Variants in STX1A observed in about 807,000 individuals in gnomAD.
STX1A encodes syntaxin 1A, also known as syntaxin-1A.
A neutral mutation model predicts 37.8 loss-of-function variants in STX1A; 4 were observed. The observed-to-expected ratio is 0.11, with a 90% CI of 0.05 to 0.24. The LOEUF is 0.24. Ranked by LOEUF, STX1A falls within the 10% of genes least tolerant of loss-of-function variation. STX1A has a pLI of 1.00. For synonymous variants in STX1A, 135 were observed against 147.4 expected (o/e 0.92, Z 0.61); for missense variants, 251 against 399.9 (o/e 0.63, Z 3.18).
Position 73,705,271 on chromosome 7 carries a change from G to C in STX1A, c.209-47C>G. 1 of 1,520,944 alleles carries C rather than the reference G, an allele frequency of 6.6e-7. No individual in the cohort carries two copies. The highest frequency in any genetic ancestry group is 9.1e-7 in the Non-Finnish European group (1 of 1,096,430). The allele number at this position is 1,520,944 out of a possible 1,614,324, so 94.2% of individuals were successfully genotyped here. A position where few individuals can be genotyped will look rare whatever the true frequency, so the allele number is the denominator to read the frequency against. ...GGGTAGGCCTCCTAGGCTCCGCGGG[G>C]ACTGATGTGCAGGCTCAGCCTCCAG... On this transcript the variant is annotated intron_variant, in intron 3 of 9. Coordinates refer to ENST00000222812, the MANE Select transcript of STX1A (RefSeq NM_004603.4). This position sits in a 1 kb window ranked among gnomAD's most constrained non-coding sequence, Gnocchi z 5.2.
chr7:73,719,596 A>G lies in STX1A; in HGVS notation c.30+6T>C. On this transcript the variant is annotated splice_donor_region_variant and intron_variant, in intron 1 of 9. Coordinates refer to ENST00000222812, the MANE Select transcript of STX1A (RefSeq NM_004603.4). ...GCGGGCGGCCGCGCGCTGGGGCCGG[A>G]CTCACCGTGCGGAGCTCCTGGGTTC... 8.3e-7 allele frequency: 1 copy of G among 1,206,814 alleles called. No individual in the cohort carries two copies. The highest frequency in any genetic ancestry group is 1.0e-6 in the Non-Finnish European group (1 of 967,102). 74.8% of individuals were successfully genotyped at this position (1,206,814 alleles called of 1,614,324 possible).
Position 73,705,084 on chromosome 7 carries a change from C to T in STX1A, c.283+66G>A. 1.3e-6 allele frequency: 2 copies of T among 1,510,962 alleles called. No homozygotes were observed. Among genetic ancestry groups the T allele is most frequent in the East Asian group, 4.5e-5 (2 of 44,388 alleles). 93.6% of individuals were successfully genotyped at this position (1,510,962 alleles called of 1,614,324 possible). ...CACCCCCTCAGGGCGAGCAAAACCC[C>T]ATGGGCTCCGCAGAGGAAGCAGGCC... On this transcript the variant is annotated intron_variant, in intron 4 of 9. Coordinates refer to ENST00000222812, the MANE Select transcript of STX1A (RefSeq NM_004603.4). This position sits in a 1 kb window ranked among gnomAD's most constrained non-coding sequence, Gnocchi z 5.2.
At position 73,705,277 on chromosome 7, in the gene STX1A, TG is replaced by T; in HGVS notation, c.209-54del. On this transcript the variant is annotated intron_variant, in intron 3 of 9. Transcript: ENST00000222812. This position sits in a 1 kb window ranked among gnomAD's most constrained non-coding sequence, Gnocchi z 5.2. ...GCCTCCTAGGCTCCGCGGGGACTGA[TG>T]TGCAGGCTCAGCCTCCAGCCCAGGG... 2.0e-6 allele frequency: 3 copies of T among 1,484,774 alleles called. No homozygotes were observed. The highest frequency in any genetic ancestry group is 2.8e-6 in the Non-Finnish European group (3 of 1,064,070). 92.0% of individuals were successfully genotyped at this position (1,484,774 alleles called of 1,614,324 possible). A position where few individuals can be genotyped will look rare whatever the true frequency, so the allele number is the denominator to read the frequency against.
chr7:73,712,989 A>T (rs1421567847), intron 1 of STX1A, among the ~76,000 whole-genome samples: 3 of 152,206 alleles, frequency 2.0e-5, no homozygotes, highest in African/African-American at 7.2e-5. Context: ...CTCTAGTAAT[A>T]CAGCCAGGAA....
intron 8 of STX1A, chr7:73,701,244 C>T (rs1798642600): frequency 2.3e-6 from 1 of 436,930 alleles, no homozygotes. Context: ...ACACCCCCAT[C>T]CTCAGGCATG....
rs376660582 is a variant in STX1A, at chr7:73,704,227, C to G, written c.387G>C (p.Glu129Asp). The change falls in exon 6 of 10, where the codon GAG (glutamate) becomes GAC (aspartate). Residue 129 changes from glutamate to aspartate, a missense_variant. Around this residue, in one of 2 missense-constraint regions of STX1A, gnomAD observed 214 missense variants for 367.6 expected, o/e 0.58. Coordinates refer to ENST00000222812, the MANE Select transcript of STX1A (RefSeq NM_004603.4). ...GCGTGGCGTTGTACTCCGACATGAC[C>G]TCCACAAACTTTCTGGACAGCGTGG... ...QHSTLSRKFV[E>D]VMSEYNATQS... The G allele has an allele frequency of 5.0e-6, 8 of 1,613,848 alleles. No individual in the cohort carries two copies. In the African/African-American group the frequency reaches 8.0e-5, roughly 16 times the overall value.
rs1261536795 is a variant in STX1A at position 73,702,585 on chromosome 7, T to C, written c.678+260A>G. The C allele has an allele frequency of 2.7e-5, 29 of 1,070,584 alleles. No individual in the cohort carries two copies. The highest frequency in any genetic ancestry group is 3.6e-5 in the Non-Finnish European group (28 of 774,046). 66.3% of individuals were successfully genotyped at this position (1,070,584 alleles called of 1,614,324 possible). A position where few individuals can be genotyped will look rare whatever the true frequency, so the allele number is the denominator to read the frequency against. ...CAGTGGCCCCATGAGGAAACAGTAG[T>C]AGGGGAATGAGAGACGGCGGGGTAT... On this transcript the variant is annotated intron_variant, in intron 8 of 9. Transcript: ENST00000222812. The surrounding 1 kb of genome is among the most constrained non-coding windows in gnomAD (Gnocchi z 4.7).
In STX1A at chr7:73,709,027, G is replaced by A. The variant is rs2116754542; in HGVS notation, c.108+18C>T. On this transcript the variant is annotated intron_variant, in intron 2 of 9. Coordinates refer to ENST00000222812, the MANE Select transcript of STX1A (RefSeq NM_004603.4). This position sits in a 1 kb window ranked among gnomAD's most constrained non-coding sequence, Gnocchi z 4.2. ...GTTCTGCCAGTGTGCGGGAAGGGTG[G>A]GGTGTGCTGGCTCCCACCTGCTCAA... 1.2e-6 allele frequency: 2 copies of A among 1,613,810 alleles called. No homozygotes were observed. The highest frequency in any genetic ancestry group is 4.5e-5 in the East Asian group (2 of 44,874).
intron 1 of STX1A, chr7:73,711,282 T>C (rs1433010726): frequency 6.6e-6 from 1 of 152,260 alleles, no homozygotes; most frequent in African/African-American, 2.4e-5. Context: ...GCTGGGAGTA[T>C]AGGTGTGAGC....
chr7:73,714,731 G>T (rs1192715928), intron 1 of STX1A, among the ~76,000 whole-genome samples: 1 of 151,300 alleles, frequency 6.6e-6, no homozygotes, highest in Non-Finnish European at 1.5e-5. Flanking sequence ...TCTGCATTCA[G>T]CAGTTCTCAA....
Position 73,719,666 on chromosome 7 carries a change from G to C in STX1A, c.-35C>G. ...AGTGGCAGCGGCGCCGGCTGCAGCC[G>C]TGTGAGCCCCGCATGCGCGACGGCC... On this transcript the variant is annotated 5_prime_UTR_variant, in exon 1 of 10. Coordinates refer to ENST00000222812, the MANE Select transcript of STX1A (RefSeq NM_004603.4). 2 of 1,169,398 alleles carry C rather than the reference G, an allele frequency of 1.7e-6. No individual in the cohort carries two copies. Among genetic ancestry groups the C allele is most frequent in the Non-Finnish European group, 2.1e-6 (2 of 945,444 alleles). The allele number at this position is 1,169,398 out of a possible 1,614,324, so 72.4% of individuals were successfully genotyped here.
chr7:73,703,337 A>G (rs1201260465), intron 7 of STX1A: 10 of 560,712 alleles, frequency 1.8e-5, no homozygotes, highest in Admixed American at 4.6e-5. Flanking sequence ...CTTCCCCCAC[A>G]TTGAATGTGA....
intron 1 of STX1A, among the ~76,000 whole-genome samples, chr7:73,719,382 C>G (rs553096179): frequency 6.6e-6 from 1 of 152,304 alleles, no homozygotes; most frequent in Admixed American, 6.5e-5. Flanking sequence ...CGACCGTCCA[C>G]GTGTCAGCGC....
chr7:73,716,071 G>T (rs1299912378), intron 1 of STX1A, among the ~76,000 whole-genome samples: 1 of 152,210 alleles, frequency 6.6e-6, no homozygotes, highest in African/African-American at 2.4e-5. Flanking sequence ...GCCCTTTCTG[G>T]ACCTGTTTTC....
intron 1 of STX1A, chr7:73,716,810 G>A (rs11763028): frequency 0.011 from 1,602 of 152,546 alleles, 11 homozygotes; most frequent in Middle Eastern, 0.017. Context: ...AAGAAAATCA[G>A]GGAGTCTCTG....
chr7:73,704,021 A>G (rs2116735337), intron 6 of STX1A, 127 bp downstream of exon 6: 6 of 1,047,792 alleles, frequency 5.7e-6, no homozygotes, highest in Non-Finnish European at 6.4e-6. Context: ...CAAACTCAGC[A>G]GCTGCCTCGG....
chr7:73,704,110 G>A lies in STX1A; in HGVS notation c.466+38C>T, dbSNP rs1554616396. ...AGCAGACTCGGGCCCCGCCCCTCCA[G>A]GCTCCAGGCCCCGCCCCAGGCCCCA... On this transcript the variant is annotated intron_variant, in intron 6 of 9. Transcript: ENST00000222812. 4 of 1,546,412 alleles carry A rather than the reference G, an allele frequency of 2.6e-6. No individual in the cohort carries two copies. In the South Asian group the frequency reaches 4.5e-5, roughly 18 times the overall value.
At position 73,717,833 on chromosome 7, in the gene STX1A, G is replaced by C. The variant is rs368319609; in HGVS notation, c.30+1769C>G. On this transcript the variant is annotated intron_variant, in intron 1 of 9. Transcript: ENST00000222812. The surrounding 1 kb of genome is among the most constrained non-coding windows in gnomAD (Gnocchi z 4.1). The stretch of plus-strand genomic sequence containing the variant: ...ACGCTTCACAACCCCAGCTCCACTG[G>C]CTGTCCCCCAGTGTCAGCCAGGCCT... 1.3e-5 allele frequency among the ~76,000 whole-genome samples: 2 copies of C among 152,156 alleles called. No individual in the cohort carries two copies. The highest frequency in any genetic ancestry group is 2.9e-5 in the Non-Finnish European group (2 of 68,014).
intron 8 of STX1A, among the ~76,000 whole-genome samples, chr7:73,701,534 G>GAA (rs1286609836): frequency 1.5e-5 from 2 of 135,314 alleles, no homozygotes; most frequent in Non-Finnish European, 1.6e-5. Context: ...AAAAGAAAAA[G>GAA]AAAAAAAAAA....
Sources: gnomAD v4.1 joint callset for allele counts (sites outside exome capture counted in the v4.1 genomes callset) on GRCh38, gnomAD v4.1.1 for gene constraint, gnomAD v4.1.1 regional missense constraint, Gnocchi (gnomAD v3.1) non-coding constraint, MANE v1.5 for transcripts, NCBI Gene and HGNC (gene_info 2026-07-23, HGNC 2026-07-21) for gene names.